Variants in INO80 observed in about 807,000 individuals in gnomAD.
INO80 encodes the protein INO80 complex ATPase subunit, also known as chromatin-remodeling ATPase INO80.
Under a neutral mutation model 203.4 loss-of-function variants are expected in INO80, and 20 were observed. That is an observed-to-expected ratio of 0.10 (90% CI 0.07 to 0.14). The LOEUF is 0.14. Among genes scored for constraint, INO80 ranks in the 10% least tolerant of loss-of-function variants. The pLI is 1.00. For synonymous variants in INO80, 726 were observed against 685.2 expected, an observed-to-expected ratio of 1.06 and a Z score of -0.93; for missense variants, 1,419 against 1,914.4, an observed-to-expected ratio of 0.74 and a Z score of 4.83.
At chr15:41,070,623 A>G in intron 12 of INO80, 76 bp from the exon 13 acceptor site, 1 of 1,177,792 alleles carries the variant, frequency 8.5e-7, no homozygotes, top group African/African-American at 1.5e-5. Context: ...AAAAAGAACG[A>G]CCAAGATAAC....
intron 31 of INO80, 37 bp downstream of exon 31, chr15:40,987,054 T>C (rs368836936): frequency 5.4e-5 from 64 of 1,185,818 alleles, no homozygotes; most frequent in African/African-American, 1.5e-5. Context: ...CATTCTCAGA[T>C]ACGTGAGGGG....
At chr15:41,076,352 T>A in intron 9 of INO80, among the ~76,000 whole-genome samples, 1 of 149,968 alleles carries the variant, frequency 6.7e-6, no homozygotes, top group African/African-American at 2.5e-5. Context: ...AGAGCAAGAC[T>A]CTGTCTCAAA....
intron 27 of INO80, among the ~76,000 whole-genome samples, chr15:41,008,926 G>A (rs898235078): frequency 1.3e-5 from 2 of 152,226 alleles, no homozygotes; most frequent in African/African-American, 4.8e-5. Flanking sequence ...TTCCACTTCC[G>A]GGGTTCAAGC....
intron 27 of INO80, among the ~76,000 whole-genome samples, chr15:41,012,292 C>A (rs772626419): frequency 2.0e-5 from 3 of 152,106 alleles, no homozygotes; most frequent in Admixed American, 1.3e-4. Flanking sequence ...GGTGGCCAGG[C>A]GTGGTGGCTC....
Position 41,052,674 on chromosome 15 carries a change from CAAAA to C in INO80, c.2274+1251_2274+1254del, listed in dbSNP as rs60685375. Among the ~76,000 whole-genome samples the C allele has an allele frequency of 8.4e-3, 901 of 107,114 alleles. 3 individuals carry two copies. The highest frequency in any genetic ancestry group is 0.027 in the African/African-American group (838 of 30,680). The allele number at this position is 107,114 out of a possible 152,430, so 70.3% of individuals were successfully genotyped here. ...GGTGACAGAGCGAGCCCTTGTCTTACAAAAAAAAAAAAAAAAAAAAAAAAATACA... is the reference window on the plus strand; with the variant it reads ...GGTGACAGAGCGAGCCCTTGTCTTACAAAAAAAAAAAAAAAAAAAAATACA... On this transcript the variant is annotated intron_variant, in intron 19 of 35. Transcript: ENST00000648947.
Position 41,003,329 on chromosome 15 carries a change from C to CTTTTTT in INO80, c.3497+2263_3497+2264insAAAAAA, listed in dbSNP as rs771356698. Among the ~76,000 whole-genome samples, 315 of 107,580 alleles carry CTTTTTT rather than the reference C, an allele frequency of 2.9e-3. 56 individuals carry two copies. Among genetic ancestry groups the CTTTTTT allele is most frequent in the South Asian group, 9.8e-3 (30 of 3,062 alleles). The allele number at this position is 107,580 out of a possible 152,430, so 70.6% of individuals were successfully genotyped here. The stretch of plus-strand genomic sequence containing the variant: ...TGGGATTGTGGGTGATTTTTCTTTT[C>CTTTTTT]TTTTCTTTTTTTTTTTTTTGAGATG... On this transcript the variant is annotated intron_variant, in intron 28 of 35. Transcript: ENST00000648947.
chr15:40,989,528 G>C (rs1020371440), intron 29 of INO80, among the ~76,000 whole-genome samples: 1 of 152,170 alleles, frequency 6.6e-6, no homozygotes, highest in South Asian at 2.1e-4. Context: ...CCTTTCTACT[G>C]TAACAATCCC....
chr15:41,067,229 A>T (rs1366548217), intron 14 of INO80, among the ~76,000 whole-genome samples: 2 of 152,078 alleles, frequency 1.3e-5, no homozygotes, highest in African/African-American at 4.8e-5. Context: ...GGCGCCCGCC[A>T]TAACACCTGG....
At chr15:41,027,895 A>G in intron 24 of INO80, 159 bp from the exon 25 acceptor site, 1 of 488,020 alleles carries the variant, frequency 2.0e-6, no homozygotes, top group Non-Finnish European at 3.6e-6. Flanking sequence ...CCAAGTATAT[A>G]ATACAGTTGA....
intron 1 of INO80, among the ~76,000 whole-genome samples, chr15:41,101,717 G>GT (rs891404331): frequency 4.6e-5 from 7 of 151,646 alleles, no homozygotes; most frequent in Non-Finnish European, 1.0e-4. Flanking sequence ...GCCTGGCTAA[G>GT]TTTTTTTGTA....
In INO80 at chr15:41,087,132, G is replaced by GA. The variant is rs552677570; in HGVS notation, c.658+429dup. On this transcript the variant is annotated intron_variant, in intron 6 of 35. Coordinates refer to ENST00000648947, the MANE Select transcript of INO80 (RefSeq NM_017553.3). ...TCAACCGAGGATCAAAAATATTCAG[G>GA]AAAAAAAAAAAAGAATGGTTGCAGC... Among the ~76,000 whole-genome samples the GA allele has an allele frequency of 3.3e-3, 469 of 140,048 alleles. 1 individual carries two copies. The highest frequency in any genetic ancestry group is 0.011 in the Middle Eastern group (3 of 270). The allele number at this position is 140,048 out of a possible 152,430, so 91.9% of individuals were successfully genotyped here. A position where few individuals can be genotyped will look rare whatever the true frequency, so the allele number is the denominator to read the frequency against.
At position 41,047,433 on chromosome 15, in the gene INO80, G is replaced by C; in HGVS notation, c.2710C>G (p.Leu904Val). Residue 904 changes from leucine (L) to valine (V), a missense_variant, in exon 23 of 36, where the codon CTT becomes GTT. Leu to Val is a conservative substitution (Grantham distance 32, BLOSUM62 1). Around this residue, in one of 9 missense-constraint regions of INO80, gnomAD observed 302 missense variants for 345.4 expected, o/e 0.87. Coordinates refer to ENST00000648947, the MANE Select transcript of INO80 (RefSeq NM_017553.3). ...CTGGCCAAAAGTCCCTGAAGCATAAGGTTTGCCATTTCTGCTGGAGATATA... is the reference window on the plus strand; with the variant it reads ...CTGGCCAAAAGTCCCTGAAGCATAACGTTTGCCATTTCTGCTGGAGATATA... ...IDISPAEMANLMLQGLLARWL... is the reference protein window; with the variant it reads ...IDISPAEMANVMLQGLLARWL... 9 of 1,613,440 alleles carry C rather than the reference G, an allele frequency of 5.6e-6. No homozygotes were observed. Among genetic ancestry groups the C allele is most frequent in the Non-Finnish European group, 6.8e-6 (8 of 1,179,764 alleles).
intron 5 of INO80, among the ~76,000 whole-genome samples, chr15:41,089,881 C>T: frequency 6.6e-6 from 1 of 152,268 alleles, no homozygotes; most frequent in Non-Finnish European, 1.5e-5. Flanking sequence ...CAAAGAGCAA[C>T]TGCATGAATA....
chr15:41,102,039 A>G (rs1039998209), intron 1 of INO80, among the ~76,000 whole-genome samples: 3 of 152,060 alleles, frequency 2.0e-5, no homozygotes, highest in African/African-American at 7.2e-5. Flanking sequence ...AAAATACAAA[A>G]AAGTAGCTGG....
chr15:41,048,215 T>G lies in INO80; in HGVS notation c.2638A>C (p.Lys880Gln). The G allele has an allele frequency of 1.2e-6, 2 of 1,611,856 alleles. No individual in the cohort carries two copies. The highest frequency in any genetic ancestry group is 1.7e-6 in the Non-Finnish European group (2 of 1,178,326). Residue 880 changes from lysine to glutamine, a missense_variant, in exon 22 of 36, where the codon AAA becomes CAA. Lys to Gln is a moderately conservative substitution (Grantham distance 53). Transcript: ENST00000648947. ...DYIQRSLFHR[K>Q]GINEESCFSF... ...TCCCAAAGATCAAAACACCTACCTT[T>G]TCTGTGAAAGAGAGACCGTTGGATA...
At chr15:41,049,875 G>A in intron 20 of INO80, 60 bp downstream of exon 20, 1 of 1,490,772 alleles carries the variant, frequency 6.7e-7, no homozygotes, top group Non-Finnish European at 9.2e-7. Context: ...AACAGAGCAA[G>A]ACAATTCTAT....
chr15:41,114,619 G>A (rs922974998), intron 1 of INO80, among the ~76,000 whole-genome samples: 18 of 151,396 alleles, frequency 1.2e-4, no homozygotes, highest in African/African-American at 4.4e-4. Context: ...TGAGGCACGA[G>A]AAGTGCTTGA....
At chr15:41,020,860 C>A (rs1450136455) in intron 26 of INO80, 40 bp downstream of exon 26, 1 of 1,334,164 alleles carries the variant, frequency 7.5e-7, no homozygotes, top group Non-Finnish European at 1.1e-6. Context: ...TCTCCCCTTG[C>A]CAAAGCGAGG....
At chr15:41,036,155 C>CA (rs1555401549) in intron 24 of INO80, among the ~76,000 whole-genome samples, 2 of 13,242 alleles carry the variant, frequency 1.5e-4, no homozygotes. Flanking sequence ...AACTCTCTCT[C>CA]GAAAAAAAAA....
Sources: gnomAD v4.1 joint callset for allele counts (sites outside exome capture counted in the v4.1 genomes callset) on GRCh38, gnomAD v4.1.1 for gene constraint, gnomAD v4.1.1 regional missense constraint, MANE v1.5 for transcripts, NCBI Gene and HGNC (gene_info 2026-07-23, HGNC 2026-07-21) for gene names.